ATXN7L1: variants seen among roughly 807,000 people sequenced by gnomAD.
ATXN7L1 encodes ataxin 7 like 1, also known as ataxin-7-like protein 1.
In ATXN7L1, 15 loss-of-function variants were observed where a neutral mutation model predicts 70.8. The ratio of observed to expected loss-of-function variants is 0.21; its 90% CI spans 0.14 to 0.33. The LOEUF is 0.33. Ranked by LOEUF, ATXN7L1 falls within the 10% of genes least tolerant of loss-of-function variation. The pLI, the probability that ATXN7L1 is intolerant of heterozygous loss-of-function variation, is 1.00. For synonymous variants in ATXN7L1, 440 were observed against 445.1 expected, an observed-to-expected ratio of 0.99 and a Z score of 0.14; for missense variants, 975 against 1,097.1, an observed-to-expected ratio of 0.89 and a Z score of 1.57.
rs71520935 is a variant in ATXN7L1 at position 105,737,528 on chromosome 7, C to CGTGTGTGTGTGT, written c.355+51064_355+51075dup. Among the ~76,000 whole-genome samples, 420 of 148,704 alleles carry CGTGTGTGTGTGT rather than the reference C, an allele frequency of 2.8e-3. 2 individuals carry two copies. Among genetic ancestry groups the CGTGTGTGTGTGT allele is most frequent in the African/African-American group, 7.7e-3 (312 of 40,646 alleles). On this transcript the variant is annotated intron_variant, in intron 3 of 11. Transcript: ENST00000419735. ...CTAGCATGCTGCCTACTAACGTCCCCGTGTGTGTGTGTGTGTGTGTGTGTG... is the reference window on the plus strand; with the variant it reads ...CTAGCATGCTGCCTACTAACGTCCCCGTGTGTGTGTGTGTGTGTGTGTGTGTGTGTGTGTGTG...
chr7:105,691,016 T>C (rs1790732321), intron 3 of ATXN7L1, among the ~76,000 whole-genome samples: 1 of 152,214 alleles, frequency 6.6e-6, no homozygotes, highest in Non-Finnish European at 1.5e-5. Flanking sequence ...TATAAATGTC[T>C]GCATATCACT....
chr7:105,781,492 C>T (rs1803526253), intron 3 of ATXN7L1, among the ~76,000 whole-genome samples: 1 of 152,230 alleles, frequency 6.6e-6, no homozygotes, highest in Non-Finnish European at 1.5e-5. Context: ...GCATCATCCT[C>T]TGCCCTGTCC....
chr7:105,674,621 C>T (rs761434663), intron 3 of ATXN7L1, among the ~76,000 whole-genome samples: 33 of 152,094 alleles, frequency 2.2e-4, no homozygotes, highest in Non-Finnish European at 4.0e-4. Flanking sequence ...TGCCACCCTG[C>T]CTGGGATGTT....
rs74485358 is a variant in ATXN7L1, at chr7:105,811,470, C to T, written c.251-22762G>A. Among the ~76,000 whole-genome samples the T allele has an allele frequency of 8.1e-3, 1,232 of 152,216 alleles. 18 individuals are homozygous for T. Among genetic ancestry groups the T allele is most frequent in the African/African-American group, 0.028 (1,169 of 41,530 alleles). ...CCATCTAGTTTGTGGTACTTTGTTG[C>T]GGCAGCCCTAGCAAACTATTACAGG... On this transcript the variant is annotated intron_variant, in intron 2 of 11. Coordinates refer to ENST00000419735, the MANE Select transcript of ATXN7L1 (RefSeq NM_020725.2).
intron 2 of ATXN7L1, among the ~76,000 whole-genome samples, chr7:105,824,431 T>C (rs1366427403): frequency 6.6e-6 from 1 of 151,918 alleles, no homozygotes; most frequent in African/African-American, 2.4e-5. Flanking sequence ...AGAAGAGAAC[T>C]TCAAAAACAC....
rs79044049 is a variant in ATXN7L1, at chr7:105,613,038, G to A, written c.2472+824C>T. Among the ~76,000 whole-genome samples the A allele has an allele frequency of 1.8e-3, 267 of 152,256 alleles. 6 individuals are homozygous for A. The East Asian group carries it at 0.036, about 20-fold the overall frequency. On this transcript the variant is annotated intron_variant, in intron 10 of 11. Coordinates refer to ENST00000419735, the MANE Select transcript of ATXN7L1 (RefSeq NM_020725.2). ...AATCCGAGGCCAGGCCCTTCCCCAC[G>A]TCTGCTCCCTCATCTCTATGCCCAA...
At chr7:105,761,730 T>G (rs1455310307) in intron 3 of ATXN7L1, among the ~76,000 whole-genome samples, 1 of 151,904 alleles carries the variant, frequency 6.6e-6, no homozygotes, top group Non-Finnish European at 1.5e-5. Context: ...GGGGCAGGAG[T>G]GCAAGACCTG....
At chr7:105,709,877 C>CTTT (rs61680542) in intron 3 of ATXN7L1, among the ~76,000 whole-genome samples, 3,002 of 146,392 alleles carry the variant, frequency 0.021, 93 homozygotes, top group African/African-American at 0.068. Context: ...GCTTGCTTTG[C>CTTT]TTTTTTTTTT....
At chr7:105,802,600 T>C (rs1031921423) in intron 2 of ATXN7L1, among the ~76,000 whole-genome samples, 1 of 152,234 alleles carries the variant, frequency 6.6e-6, no homozygotes, top group Non-Finnish European at 1.5e-5. Context: ...TTTGTGCTTT[T>C]ATTTACTTAA....
intron 3 of ATXN7L1, among the ~76,000 whole-genome samples, chr7:105,675,380 TGGGAGGCCGAGGTG>T (rs1562988913): frequency 6.6e-6 from 1 of 152,172 alleles, no homozygotes; most frequent in African/African-American, 2.4e-5. Context: ...CCCAGCACTT[TGGGAGGCCGAGGTG>T]GGTGGATCAC....
intron 2 of ATXN7L1, among the ~76,000 whole-genome samples, chr7:105,864,630 G>A (rs1348510898): frequency 6.9e-6 from 1 of 143,894 alleles, no homozygotes; most frequent in African/African-American, 2.5e-5. Context: ...AGATTCATTC[G>A]TTTTTTTTTT....
At chr7:105,778,300 A>G (rs992691777) in intron 3 of ATXN7L1, among the ~76,000 whole-genome samples, 1 of 148,850 alleles carries the variant, frequency 6.7e-6, no homozygotes, top group Non-Finnish European at 1.5e-5. Flanking sequence ...TGAGCCCAGG[A>G]GTTTGAGACC....
chr7:105,788,078 C>A (rs1804580416), intron 3 of ATXN7L1: 1 of 153,192 alleles, frequency 6.5e-6, no homozygotes, highest in South Asian at 2.0e-4. Context: ...CAGTTCCCAA[C>A]CCCACCTGGG....
chr7:105,862,016 A>C (rs1816713818), intron 2 of ATXN7L1, among the ~76,000 whole-genome samples: 1 of 152,170 alleles, frequency 6.6e-6, no homozygotes, highest in African/African-American at 2.4e-5. Flanking sequence ...GCTTCTGCAA[A>C]AGATGATGAG....
chr7:105,792,176 C>G (rs1031224029), intron 2 of ATXN7L1, among the ~76,000 whole-genome samples: 1 of 152,188 alleles, frequency 6.6e-6, no homozygotes, highest in African/African-American at 2.4e-5. Flanking sequence ...ACTGTGGCCA[C>G]CTGGAGGTGT....
chr7:105,661,864 C>T (rs1043444694), intron 4 of ATXN7L1, among the ~76,000 whole-genome samples: 3 of 152,160 alleles, frequency 2.0e-5, no homozygotes, highest in African/African-American at 7.2e-5. Flanking sequence ...GAATATTTAC[C>T]GACTTGCAGG....
chr7:105,685,495 T>G (rs750240581), intron 3 of ATXN7L1, among the ~76,000 whole-genome samples: 44 of 152,206 alleles, frequency 2.9e-4, no homozygotes, highest in Non-Finnish European at 5.3e-4. Context: ...ATGAGATTCC[T>G]GATCTCCTCT....
At chr7:105,709,702 C>A (rs749534951) in intron 3 of ATXN7L1, among the ~76,000 whole-genome samples, 2 of 152,182 alleles carry the variant, frequency 1.3e-5, no homozygotes, top group Non-Finnish European at 2.9e-5. Context: ...GGCTTGCCTA[C>A]ATTTTCTCTC....
chr7:105,614,602 T>G lies in ATXN7L1; in HGVS notation c.1732A>C (p.Met578Leu). Residue 578 changes from methionine (M) to leucine (L), a missense_variant, in exon 10 of 12, where the codon ATG becomes CTG. Physicochemically the swap from Met to Leu is conservative, Grantham distance 15. Around this residue, in one of 5 missense-constraint regions of ATXN7L1, gnomAD observed 635 missense variants for 699.4 expected, o/e 0.91. Transcript: ENST00000419735. The surrounding 1 kb of genome is among the most constrained non-coding windows in gnomAD (Gnocchi z 4.3). ...TGAGGGAAAGCTGTGGTGTGGGACA[T>G]GAGGGCGCTCGGGTCCGGCGATGTC... ...FVTSPDPSAL[M>L]SHTTAFPHVA... 6.4e-7 allele frequency: 1 copy of G among 1,551,778 alleles called. No homozygotes were observed. Among genetic ancestry groups the G allele is most frequent in the Non-Finnish European group, 8.7e-7 (1 of 1,146,988 alleles).
Sources: gnomAD v4.1 joint callset for allele counts (sites outside exome capture counted in the v4.1 genomes callset) on GRCh38, gnomAD v4.1.1 for gene constraint, gnomAD v4.1.1 regional missense constraint, Gnocchi (gnomAD v3.1) non-coding constraint, MANE v1.5 for transcripts, NCBI Gene and HGNC (gene_info 2026-07-23, HGNC 2026-07-21) for gene names.